Variants in DAB2IP observed in about 807,000 individuals in gnomAD.
DAB2IP encodes disabled homolog 2-interacting protein.
In DAB2IP, 28 loss-of-function variants were observed where a neutral mutation model predicts 107.2. The observed-to-expected ratio is 0.26, with a 90% CI of 0.19 to 0.36. The LOEUF (loss-of-function observed/expected upper bound fraction) is 0.36. DAB2IP is among the 10% of genes least tolerant of loss of function. DAB2IP has a pLI of 1.00. For synonymous variants in DAB2IP, 755 were observed against 706.4 expected, an observed-to-expected ratio of 1.07 and a Z score of -1.09; for missense variants, 1,400 against 1,644.7, an observed-to-expected ratio of 0.85 and a Z score of 2.57.
intron 1 of DAB2IP, among the ~76,000 whole-genome samples, chr9:121,652,357 G>A (rs531186627): frequency 6.6e-6 from 1 of 152,174 alleles, no homozygotes; most frequent in Non-Finnish European, 1.5e-5. Flanking sequence ...GGAAGGAACC[G>A]TGACCCCTCG....
chr9:121,759,574 C>G (rs922519523), intron 5 of DAB2IP, among the ~76,000 whole-genome samples: 2 of 152,234 alleles, frequency 1.3e-5, no homozygotes, highest in African/African-American at 4.8e-5. Context: ...ACGTGTCAGG[C>G]GTTGTGCTGG....
chr9:121,660,942 A>G (rs1223122903), intron 1 of DAB2IP, among the ~76,000 whole-genome samples: 1 of 152,164 alleles, frequency 6.6e-6, no homozygotes, highest in Non-Finnish European at 1.5e-5. Flanking sequence ...TGGAATTCTC[A>G]CAGGATGGTA....
intron 12 of DAB2IP, among the ~76,000 whole-genome samples, 165 bp downstream of exon 12, chr9:121,773,660 T>G (rs1489913734): frequency 3.3e-5 from 5 of 152,066 alleles, no homozygotes; most frequent in Admixed American, 6.5e-5. Flanking sequence ...CCCCCTGGCT[T>G]CTTCCTGAAT....
At position 121,760,096 on chromosome 9, in the gene DAB2IP, A is replaced by G; in HGVS notation, c.827A>G (p.Tyr276Cys). The G allele has an allele frequency of 6.2e-7, 1 of 1,613,986 alleles. No homozygotes were observed. The highest frequency in any genetic ancestry group is 1.1e-5 in the South Asian group (1 of 91,078). Residue 276 changes from tyrosine to cysteine, a missense_variant, in exon 6 of 16, where the codon TAC (tyrosine) becomes TGC (cysteine). This residue lies in a region of DAB2IP where 517 missense variants were observed against 748.6 expected (regional missense o/e 0.69). Coordinates refer to ENST00000408936, the Ensembl canonical transcript of DAB2IP. This position sits in a 1 kb window ranked among gnomAD's most constrained non-coding sequence, Gnocchi z 5.9. ...CTGCGCACGGTCACTGTCCACCTGT[A>G]CCGGGAGACCGACAAGAAGAAGAAG... is the stretch of plus-strand genomic sequence containing the variant.
intron 3 of DAB2IP, 22 bp from the exon 4 acceptor site, chr9:121,756,991 G>T: frequency 6.2e-7 from 1 of 1,613,460 alleles, no homozygotes; most frequent in South Asian, 1.1e-5. Flanking sequence ...GGGCCCACCT[G>T]ACACACCTAC....
At chr9:121,689,435 G>A (rs1829050543) in intron 2 of DAB2IP, among the ~76,000 whole-genome samples, 1 of 152,126 alleles carries the variant, frequency 6.6e-6, no homozygotes, top group South Asian at 2.1e-4. Context: ...CTAAAATGGT[G>A]CATTTTGTAT....
intron 3 of DAB2IP, chr9:121,752,929 C>T (rs1039454060): frequency 3.9e-5 from 6 of 152,204 alleles, no homozygotes; most frequent in South Asian, 2.1e-4. Context: ...GTTTGGGTGT[C>T]GCAGCAACAC....
intron 1 of DAB2IP, among the ~76,000 whole-genome samples, chr9:121,625,332 T>C (rs1314397142): frequency 6.7e-6 from 1 of 150,310 alleles, no homozygotes; most frequent in Non-Finnish European, 1.5e-5. Context: ...CTCTGCCTCC[T>C]GGGTTTAAGC....
At chr9:121,671,937 G>A (rs1249483883) in intron 1 of DAB2IP, among the ~76,000 whole-genome samples, 1 of 152,182 alleles carries the variant, frequency 6.6e-6, no homozygotes, top group African/African-American at 2.4e-5. Context: ...TTCTTGACTG[G>A]ATGAGTAGGA....
intron 3 of DAB2IP, among the ~76,000 whole-genome samples, chr9:121,745,667 A>G (rs1372890361): frequency 6.6e-6 from 1 of 152,044 alleles, no homozygotes; most frequent in Non-Finnish European, 1.5e-5. Context: ...GTGCCTTAGC[A>G]TGATACATCT....
At chr9:121,708,975 G>T (rs1480073036) in intron 3 of DAB2IP, among the ~76,000 whole-genome samples, 1 of 152,200 alleles carries the variant, frequency 6.6e-6, no homozygotes, top group African/African-American at 2.4e-5. Context: ...ATCTGCGCCT[G>T]TGAGGTGGGC....
At position 121,759,097 on chromosome 9, in the gene DAB2IP, G is replaced by A; in HGVS notation, c.615+101G>A. 4.8e-6 allele frequency: 6 copies of A among 1,257,440 alleles called. No homozygotes were observed. The South Asian group carries it at 5.2e-5, about 11-fold the overall frequency. 77.9% of individuals were successfully genotyped at this position (1,257,440 alleles called of 1,614,324 possible). On this transcript the variant is annotated intron_variant, in intron 5 of 15. Coordinates refer to ENST00000408936, the Ensembl canonical transcript of DAB2IP. The stretch of plus-strand genomic sequence containing the variant: ...CTCTGTGGTGTGGGCTGGGATTGGG[G>A]GTGGTCAGCCTGCATGGAGGCAGGG...
chr9:121,575,422 A>G (rs1007991965), intron 1 of DAB2IP: 4 of 152,222 alleles, frequency 2.6e-5, no homozygotes, highest in Non-Finnish European at 5.9e-5. Flanking sequence ...CCTGGTGCAG[A>G]GTCAAAGATC....
intron 2 of DAB2IP, among the ~76,000 whole-genome samples, chr9:121,690,320 A>C (rs566471716): frequency 4.3e-4 from 65 of 152,232 alleles, no homozygotes; most frequent in African/African-American, 1.5e-3. Context: ...CTGGGACCTC[A>C]GTGATAGGAC....
chr9:121,773,402 T>G, exon 12 of DAB2IP: 1 of 1,588,354 alleles, frequency 6.3e-7, no homozygotes, highest in Non-Finnish European at 8.6e-7. Context: ...CGGCCTCACC[T>G]GATTGGGTGG....
At position 121,760,457 on chromosome 9, in the gene DAB2IP, G is replaced by C; in HGVS notation, c.1170+18G>C. ...AGGTGAAGGTGCGTGCAGGCCCCTC[G>C]GCTCCTGACACAGGCTGGGCGGCAG... On this transcript the variant is annotated intron_variant, in intron 6 of 15. Transcript: ENST00000408936. The surrounding 1 kb of genome is among the most constrained non-coding windows in gnomAD (Gnocchi z 5.9). The C allele has an allele frequency of 6.4e-7, 1 of 1,566,938 alleles. No individual in the cohort carries two copies. The highest frequency in any genetic ancestry group is 8.6e-7 in the Non-Finnish European group (1 of 1,160,716).
Position 121,599,998 on chromosome 9 carries a change from G to A in DAB2IP, c.40+32770G>A, listed in dbSNP as rs894375854. On this transcript the variant is annotated intron_variant, in intron 1 of 16. Coordinates refer to the DAB2IP transcript ENST00000259371. The surrounding 1 kb of genome is among the most constrained non-coding windows in gnomAD (Gnocchi z 6.9). ...GCCTTTAAACTTTCCTGTGCGCCCT[G>A]CCCAGATCTCGACCGCCGGGACCCA... 1.3e-5 allele frequency among the ~76,000 whole-genome samples: 2 copies of A among 152,154 alleles called. No homozygotes were observed. Among genetic ancestry groups the A allele is most frequent in the African/African-American group, 4.8e-5 (2 of 41,444 alleles).
At chr9:121,622,976 G>A (rs1032688420) in intron 1 of DAB2IP, among the ~76,000 whole-genome samples, 4 of 152,222 alleles carry the variant, frequency 2.6e-5, no homozygotes, top group African/African-American at 9.7e-5. Context: ...AGGCATTCCT[G>A]AGAATGAGCA....
intron 11 of DAB2IP, among the ~76,000 whole-genome samples, chr9:121,771,275 A>T (rs934011341): frequency 1.4e-4 from 22 of 152,172 alleles, no homozygotes; most frequent in African/African-American, 5.1e-4. Flanking sequence ...GTGGAAGGCA[A>T]AATGTTCTTG....
Sources: allele counts gnomAD v4.1 joint callset (sites outside exome capture counted in the v4.1 genomes callset), GRCh38; gene constraint gnomAD v4.1.1; regional missense constraint gnomAD v4.1.1; non-coding constraint Gnocchi (gnomAD v3.1); transcripts MANE v1.5; gene names NCBI Gene and HGNC (gene_info 2026-07-23, HGNC 2026-07-21).